JAKMIP1: variants seen among roughly 807,000 people sequenced by gnomAD.
JAKMIP1 encodes janus kinase and microtubule-interacting protein 1.
JAKMIP1 carries 33 observed loss-of-function variants against 113.0 expected under a neutral mutation model. The observed-to-expected ratio is 0.29, with a 90% CI of 0.22 to 0.39. The LOEUF (loss-of-function observed/expected upper bound fraction) is 0.39, where lower values mean the gene tolerates loss of function less well. Among genes scored for constraint, JAKMIP1 ranks in the 10% least tolerant of loss-of-function variants. JAKMIP1 has a pLI of 1.00. For synonymous variants in JAKMIP1, 480 were observed against 459.9 expected (o/e 1.04, Z -0.56); for missense variants, 813 against 1,080.5 (o/e 0.75, Z 3.47).
intron 20 of JAKMIP1, among the ~76,000 whole-genome samples, chr4:6,028,732 A>C (rs1284042869): frequency 6.6e-6 from 1 of 152,162 alleles, no homozygotes; most frequent in African/African-American, 2.4e-5. Flanking sequence ...GTGTCCTTTG[A>C]GATTCAGGTG....
At position 6,194,303 on chromosome 4, in the gene JAKMIP1, AT is replaced by A. The variant is rs1218875413; in HGVS notation, c.-148+5949del. On this transcript the variant is annotated intron_variant, in intron 1 of 20. Transcript: ENST00000409021. This position sits in a 1 kb window ranked among gnomAD's most constrained non-coding sequence, Gnocchi z 7.4. The stretch of plus-strand genomic sequence containing the variant: ...TTTACAGTAAATGAATTTCACCTCA[AT>A]TTTTTTAAGAAAAAGAAGGGGAAAA... Among the ~76,000 whole-genome samples the A allele has an allele frequency of 2.0e-5, 3 of 152,054 alleles. No homozygotes were observed. Among genetic ancestry groups the A allele is most frequent in the African/African-American group, 7.2e-5 (3 of 41,396 alleles).
intron 1 of JAKMIP1, among the ~76,000 whole-genome samples, chr4:6,127,800 C>G (rs1214318923): frequency 1.3e-5 from 2 of 152,258 alleles, no homozygotes; most frequent in Non-Finnish European, 2.9e-5. Flanking sequence ...CTTGGCAGCT[C>G]TCACTTCAGA....
At position 6,191,333 on chromosome 4, in the gene JAKMIP1, C is replaced by A. The variant is rs374318322; in HGVS notation, c.-148+8920G>T. ...GCCAGTGTGACTGTCCCCTGCATGT[C>A]CCTCCTGAGGCCCTCAGAGAACTCA... On this transcript the variant is annotated intron_variant, in intron 1 of 20. Transcript: ENST00000409021. Among the ~76,000 whole-genome samples, 171 of 152,178 alleles carry A rather than the reference C, an allele frequency of 1.1e-3. 1 individual carries two copies. In the Middle Eastern group the frequency reaches 0.027, roughly 24 times the overall value.
Position 6,200,341 on chromosome 4 carries a change from C to A in JAKMIP1, c.-236G>T. ...GCATCCTCCGGCCGCCCCCTCCCCG[C>A]TGCGAGCTTACGCCGCTGTCGCCGC... On this transcript the variant is annotated 5_prime_UTR_variant, in exon 1 of 21. Transcript: ENST00000409021. The surrounding 1 kb of genome is among the most constrained non-coding windows in gnomAD (Gnocchi z 7.0). 6.5e-6 allele frequency: 1 copy of A among 153,684 alleles called. No individual in the cohort carries two copies. Among genetic ancestry groups the A allele is most frequent in the Non-Finnish European group, 1.5e-5 (1 of 68,650 alleles). The allele number at this position is 153,684 out of a possible 1,614,324, so 9.5% of individuals were successfully genotyped here.
intron 1 of JAKMIP1, among the ~76,000 whole-genome samples, chr4:6,169,440 A>T (rs1338037709): frequency 6.6e-6 from 1 of 152,126 alleles, no homozygotes; most frequent in Non-Finnish European, 1.5e-5. Flanking sequence ...CGCCACCACT[A>T]GGGGTTGGGA....
At chr4:6,131,270 A>G (rs772758874) in intron 1 of JAKMIP1, among the ~76,000 whole-genome samples, 18 of 151,126 alleles carry the variant, frequency 1.2e-4, no homozygotes, top group Admixed American at 4.0e-4. Flanking sequence ...TTGAAGAAAT[A>G]TTTGAAGCAA....
At chr4:6,070,634 G>T (rs985934177) in intron 8 of JAKMIP1, among the ~76,000 whole-genome samples, 2 of 152,246 alleles carry the variant, frequency 1.3e-5, no homozygotes, top group Non-Finnish European at 2.9e-5. Flanking sequence ...GGCAGCACTA[G>T]CAATGGCAAC....
Position 6,176,532 on chromosome 4 carries a change from G to A in JAKMIP1, c.-148+23721C>T, listed in dbSNP as rs948327996. On this transcript the variant is annotated intron_variant, in intron 1 of 20. Coordinates refer to ENST00000409021, the MANE Select transcript of JAKMIP1 (RefSeq NM_001099433.2). This position sits in a 1 kb window ranked among gnomAD's most constrained non-coding sequence, Gnocchi z 5.5. The stretch of plus-strand genomic sequence containing the variant: ...GACGGTTGTTCTGTAGAAACAAGAC[G>A]CAGCACTGTACCACATCACCCGGAC... Among the ~76,000 whole-genome samples, 12 of 152,130 alleles carry A rather than the reference G, an allele frequency of 7.9e-5. No individual in the cohort carries two copies. The highest frequency in any genetic ancestry group is 2.9e-5 in the Non-Finnish European group (2 of 68,030).
At chr4:6,072,179 C>G (rs1333737938) in intron 8 of JAKMIP1, among the ~76,000 whole-genome samples, 1 of 152,238 alleles carries the variant, frequency 6.6e-6, no homozygotes, top group African/African-American at 2.4e-5. Context: ...GTTTCTCTCA[C>G]AACCTGTGGA....
At position 6,038,064 on chromosome 4, in the gene JAKMIP1, T is replaced by A. The variant is rs565618514; in HGVS notation, c.2176-1957A>T. Among the ~76,000 whole-genome samples, 6 of 128,340 alleles carry A rather than the reference T, an allele frequency of 4.7e-5. No homozygotes were observed. In the South Asian group the frequency reaches 1.3e-3, roughly 28 times the overall value. 84.2% of individuals were successfully genotyped at this position (128,340 alleles called of 152,430 possible). ...GCAGAGGCTAACCAGTATCCCTCCA[T>A]CACCGAGGCAGAGGTTAACCCAGTA... On this transcript the variant is annotated intron_variant, in intron 18 of 20. Coordinates refer to ENST00000409021, the MANE Select transcript of JAKMIP1 (RefSeq NM_001099433.2).
intron 1 of JAKMIP1, among the ~76,000 whole-genome samples, chr4:6,115,303 A>T (rs1715569939): frequency 1.3e-5 from 2 of 152,176 alleles, no homozygotes; most frequent in South Asian, 4.1e-4. Flanking sequence ...CCAGTTACTC[A>T]GGAGGCTGAG....
At chr4:6,029,889 A>G in intron 19 of JAKMIP1, 108 bp from the exon 20 acceptor site, 1 of 782,926 alleles carries the variant, frequency 1.3e-6, no homozygotes, top group Non-Finnish European at 2.2e-6. Context: ...GGATACCAAC[A>G]CTGTGGGCAG....
intron 3 of JAKMIP1, among the ~76,000 whole-genome samples, chr4:6,098,664 AAGAGAGAGAAAG>A (rs1712364306): frequency 7.9e-6 from 1 of 126,192 alleles, no homozygotes; most frequent in African/African-American, 3.2e-5. Context: ...GAAAGGAAGA[AAGAGAGAGAAAG>A]AAAGAAAGAA....
At position 6,184,987 on chromosome 4, in the gene JAKMIP1, T is replaced by C. The variant is rs1302212252; in HGVS notation, c.-148+15266A>G. ...CCATCTTTCTCCCGTGCTGGATGCTTCCTCCCCTCGAACATCAGACTCCAA... is the reference window on the plus strand; with the variant it reads ...CCATCTTTCTCCCGTGCTGGATGCTCCCTCCCCTCGAACATCAGACTCCAA... On this transcript the variant is annotated intron_variant, in intron 1 of 20. Coordinates refer to ENST00000409021, the MANE Select transcript of JAKMIP1 (RefSeq NM_001099433.2). This position sits in a 1 kb window ranked among gnomAD's most constrained non-coding sequence, Gnocchi z 4.5. Among the ~76,000 whole-genome samples, 1 of 152,140 alleles carries C rather than the reference T, an allele frequency of 6.6e-6. No individual in the cohort carries two copies. Among genetic ancestry groups the C allele is most frequent in the Non-Finnish European group, 1.5e-5 (1 of 68,018 alleles).
intron 11 of JAKMIP1, 29 bp downstream of exon 11, chr4:6,060,395 T>C (rs1717096118): frequency 6.4e-7 from 1 of 1,553,380 alleles, no homozygotes; most frequent in African/African-American, 1.4e-5. Context: ...AAGGCTAAGA[T>C]TCACAGAGCA....
At position 6,067,469 on chromosome 4, in the gene JAKMIP1, G is replaced by A. The variant is rs1718262399; in HGVS notation, c.1303-2461C>T. Among the ~76,000 whole-genome samples the A allele has an allele frequency of 6.6e-6, 1 of 152,182 alleles. No individual in the cohort carries two copies. ...ATCTACTCAAATCTCCCCTCTGGAT[G>A]AGAACCCCACCCGACTTCAGGCATC... is the stretch of plus-strand genomic sequence containing the variant. On this transcript the variant is annotated intron_variant, in intron 8 of 20. Coordinates refer to ENST00000409021, the MANE Select transcript of JAKMIP1 (RefSeq NM_001099433.2). This position sits in a 1 kb window ranked among gnomAD's most constrained non-coding sequence, Gnocchi z 4.6.
chr4:6,070,108 G>A (rs1718749881), intron 8 of JAKMIP1: 4 of 398,806 alleles, frequency 1.0e-5, no homozygotes, highest in Non-Finnish European at 1.8e-5. Flanking sequence ...AGGCACACCA[G>A]GGCACAGAGA....
chr4:6,027,304 C>T (rs957312151), intron 20 of JAKMIP1, among the ~76,000 whole-genome samples: 2 of 152,116 alleles, frequency 1.3e-5, no homozygotes, highest in African/African-American at 4.8e-5. Context: ...TGGAAAAGTC[C>T]AAACTAACAG....
intron 13 of JAKMIP1, among the ~76,000 whole-genome samples, chr4:6,053,339 TC>T (rs1262748722): frequency 6.6e-6 from 1 of 152,228 alleles, no homozygotes; most frequent in Non-Finnish European, 1.5e-5. Flanking sequence ...GCAACTGATC[TC>T]CCTCCAGTAG....
Sources: allele counts gnomAD v4.1 joint callset (sites outside exome capture counted in the v4.1 genomes callset), GRCh38; gene constraint gnomAD v4.1.1; non-coding constraint Gnocchi (gnomAD v3.1); transcripts MANE v1.5; gene names NCBI Gene and HGNC (gene_info 2026-07-23, HGNC 2026-07-21).